CNTN3: variants seen among roughly 807,000 people sequenced by gnomAD.
The protein encoded by CNTN3 is contactin-3.
Under a neutral mutation model 119.1 loss-of-function variants are expected in CNTN3, and 60 were observed. The observed-to-expected ratio is 0.50, with a 90% CI of 0.41 to 0.62. The LOEUF (loss-of-function observed/expected upper bound fraction) is 0.62. Among genes scored for constraint, CNTN3 ranks in the 20% least tolerant of loss-of-function variants. The pLI, the probability that CNTN3 is intolerant of heterozygous loss-of-function variation, is 0.00. For missense variants in CNTN3, 1,101 were observed against 1,242.4 expected (o/e 0.89, Z 1.71); for synonymous variants, 450 against 438.7 (o/e 1.03, Z -0.32).
intron 8 of CNTN3, among the ~76,000 whole-genome samples, chr3:74,366,070 CA>C (rs1400170359): frequency 2.0e-5 from 3 of 152,088 alleles, no homozygotes; most frequent in Admixed American, 2.0e-4. Flanking sequence ...CATGAGATCA[CA>C]ACTGATGATG....
chr3:74,525,448 G>A (rs1047727450), intron 1 of CNTN3, among the ~76,000 whole-genome samples: 1 of 151,724 alleles, frequency 6.6e-6, no homozygotes, highest in Non-Finnish European at 1.5e-5. Flanking sequence ...GCATTGCCAT[G>A]TATCATCACG....
In CNTN3 at chr3:74,369,287, T is replaced by C. The variant is rs1438727785; in HGVS notation, c.848A>G (p.Glu283Gly). 1 of 1,611,624 alleles carries C rather than the reference T, an allele frequency of 6.2e-7. No individual in the cohort carries two copies. The highest frequency in any genetic ancestry group is 1.1e-5 in the South Asian group (1 of 90,770). ...ATCTTCCTGTTGGAAGTTGGGGATT[T>C]CAAGCACACCACTGAACTTCCTTAA... is the stretch of plus-strand genomic sequence containing the variant. ...IKLRKFSGVL[E>G]IPNFQQEDAG... Residue 283 changes from glutamate to glycine, a missense_variant, in exon 8 of 23, where the codon GAA (glutamate) becomes GGA (glycine). By Grantham distance (98) the Glu-to-Gly change is moderately conservative. Transcript: ENST00000263665.
chr3:74,523,813 T>C (rs1703577408), intron 1 of CNTN3, among the ~76,000 whole-genome samples: 1 of 151,900 alleles, frequency 6.6e-6, no homozygotes, highest in African/African-American at 2.4e-5. Context: ...AAAGAGAATA[T>C]TATAAACTCT....
At chr3:74,428,068 T>C (rs1701724453) in intron 4 of CNTN3, among the ~76,000 whole-genome samples, 1 of 152,164 alleles carries the variant, frequency 6.6e-6, no homozygotes, top group South Asian at 2.1e-4. Context: ...CATCATGACA[T>C]AGTAGTGAAA....
At chr3:74,429,027 A>G (rs1701741745) in intron 4 of CNTN3, among the ~76,000 whole-genome samples, 2 of 152,208 alleles carry the variant, frequency 1.3e-5, no homozygotes, top group South Asian at 4.1e-4. Context: ...ATCTGGGTAT[A>G]ATAAGTACAT....
intron 13 of CNTN3, among the ~76,000 whole-genome samples, chr3:74,334,235 T>C (rs929135233): frequency 1.2e-4 from 18 of 152,238 alleles, no homozygotes; most frequent in Non-Finnish European, 2.5e-4. Context: ...TCTGGGCAAG[T>C]TGATAGACTT....
chr3:74,450,688 G>C (rs1408561728), intron 4 of CNTN3, among the ~76,000 whole-genome samples: 1 of 110,008 alleles, frequency 9.1e-6, no homozygotes, highest in Non-Finnish European at 1.7e-5. Context: ...ACACTCCCCA[G>C]AGTGTGATGT....
At chr3:74,272,220 A>C (rs1701791580) in intron 20 of CNTN3, among the ~76,000 whole-genome samples, 2 of 152,182 alleles carry the variant, frequency 1.3e-5, no homozygotes, top group South Asian at 4.1e-4. Context: ...TGTTTTAAGA[A>C]AGTTTATGAA....
chr3:74,611,527 T>A (rs1486016795), intron 1 of CNTN3, among the ~76,000 whole-genome samples: 1 of 152,164 alleles, frequency 6.6e-6, no homozygotes, highest in Non-Finnish European at 1.5e-5. Flanking sequence ...CAACACTCGA[T>A]CCATTTCTGA....
chr3:74,311,642 C>G (rs572519859), intron 13 of CNTN3, among the ~76,000 whole-genome samples: 11 of 152,156 alleles, frequency 7.2e-5, no homozygotes, highest in African/African-American at 2.7e-4. Flanking sequence ...TCAGCATGAA[C>G]AGTTCCATCT....
chr3:74,453,036 G>T (rs1361794849), intron 4 of CNTN3, among the ~76,000 whole-genome samples: 2 of 151,730 alleles, frequency 1.3e-5, no homozygotes, highest in Non-Finnish European at 2.9e-5. Context: ...CTCATAAAAT[G>T]AGTTAGGGAG....
intron 1 of CNTN3, among the ~76,000 whole-genome samples, chr3:74,548,940 T>G (rs550640816): frequency 6.6e-6 from 1 of 152,220 alleles, no homozygotes; most frequent in South Asian, 2.1e-4. Context: ...GGTAACTCTT[T>G]CACCCATTGA....
At chr3:74,491,326 C>G (rs531547034) in intron 3 of CNTN3, among the ~76,000 whole-genome samples, 1 of 130,258 alleles carries the variant, frequency 7.7e-6, no homozygotes, top group Admixed American at 7.5e-5. Flanking sequence ...CACGGAGAAA[C>G]CATCTTTACA....
At chr3:74,554,894 T>C (rs1704046248) in intron 1 of CNTN3, among the ~76,000 whole-genome samples, 1 of 152,206 alleles carries the variant, frequency 6.6e-6, no homozygotes, top group African/African-American at 2.4e-5. Flanking sequence ...CCTATCTGAA[T>C]ACCCTTTATT....
intron 20 of CNTN3, among the ~76,000 whole-genome samples, chr3:74,280,286 A>G (rs1283026918): frequency 2.6e-5 from 4 of 152,226 alleles, no homozygotes; most frequent in African/African-American, 4.8e-5. Flanking sequence ...AAAGACTCAA[A>G]TGCAAAAGTG....
chr3:74,476,662 A>G (rs1279483887), intron 4 of CNTN3, among the ~76,000 whole-genome samples: 4 of 152,198 alleles, frequency 2.6e-5, no homozygotes, highest in Non-Finnish European at 5.9e-5. Context: ...TTAAACAAAT[A>G]AAGTAACAAA....
intron 4 of CNTN3, among the ~76,000 whole-genome samples, chr3:74,463,963 T>A (rs1399100981): frequency 2.6e-5 from 4 of 152,190 alleles, no homozygotes; most frequent in Non-Finnish European, 1.5e-5. Context: ...AGTTGAAATT[T>A]GTAAACAGGC....
At chr3:74,597,830 A>G (rs948758564) in intron 1 of CNTN3, among the ~76,000 whole-genome samples, 1 of 152,210 alleles carries the variant, frequency 6.6e-6, no homozygotes, top group Admixed American at 6.5e-5. Flanking sequence ...GTAATGATGA[A>G]GAAAATAGGA....
chr3:74,383,481 T>G (rs899537631), intron 5 of CNTN3, among the ~76,000 whole-genome samples: 1 of 152,196 alleles, frequency 6.6e-6, no homozygotes, highest in African/African-American at 2.4e-5. Context: ...GATCTCAGAT[T>G]TTTTTCTTTT....
Sources: allele counts gnomAD v4.1 joint callset (sites outside exome capture counted in the v4.1 genomes callset), GRCh38; gene constraint gnomAD v4.1.1; transcripts MANE v1.5; gene names NCBI Gene and HGNC (gene_info 2026-07-23, HGNC 2026-07-21).